Variants in AHRR observed in about 807,000 individuals in gnomAD.
AHRR encodes aryl hydrocarbon receptor repressor.
A neutral mutation model predicts 44.0 loss-of-function variants in AHRR; 28 were observed. That is an observed-to-expected ratio of 0.64 (90% CI 0.47 to 0.87). The LOEUF (loss-of-function observed/expected upper bound fraction) is 0.87. Among genes scored for constraint, AHRR ranks in the 40% least tolerant of loss-of-function variants. AHRR has a pLI of 0.00. For missense variants in AHRR, 990 were observed against 953.9 expected, an observed-to-expected ratio of 1.04 and a Z score of -0.50; for synonymous variants, 434 against 407.0, an observed-to-expected ratio of 1.07 and a Z score of -0.80.
chr5:413,626 C>T (rs533986952), intron 5 of AHRR, among the ~76,000 whole-genome samples, 193 bp downstream of exon 5: 56 of 152,260 alleles, frequency 3.7e-4, no homozygotes, highest in African/African-American at 9.4e-4. Context: ...TTCGGGGTCT[C>T]GGCAAGAGGC....
At chr5:433,766 C>G (rs1176686207) in intron 10 of AHRR, 87 bp from the exon 11 acceptor site, 1 of 1,350,944 alleles carries the variant, frequency 7.4e-7, no homozygotes, top group Non-Finnish European at 9.6e-7. Context: ...GTCCTGATTT[C>G]GTAGCCTCCC....
At chr5:322,651 G>A (rs1010400537) in intron 1 of AHRR, 10 of 152,264 alleles carry the variant, frequency 6.6e-5, no homozygotes, top group African/African-American at 2.4e-4. Flanking sequence ...TTTTACGAAC[G>A]AGGACATCAA....
intron 4 of AHRR, among the ~76,000 whole-genome samples, chr5:380,631 A>G (rs1733941633): frequency 6.6e-6 from 1 of 152,170 alleles, no homozygotes; most frequent in South Asian, 2.1e-4. Context: ...CATTCCTAGT[A>G]TATAGAAGTA....
In AHRR at chr5:434,580, G is replaced by T; in HGVS notation, c.1840G>T (p.Ala614Ser). 6.3e-7 allele frequency: 1 copy of T among 1,578,654 alleles called. No individual in the cohort carries two copies. The highest frequency in any genetic ancestry group is 8.6e-7 in the Non-Finnish European group (1 of 1,162,558). ...RSRELTPFHP[A>S]HCACLEPTDG... ...CAGGGAGCTGACCCCTTTCCACCCT[G>T]CACACTGTGCCTGCCTGGAGCCCAC... The change falls in exon 11 of 11, where the codon GCA becomes TCA. Residue 614 changes from alanine to serine, a missense_variant. Transcript: ENST00000684583.
In AHRR at chr5:437,922, G is replaced by A. The variant is rs1433186220; in HGVS notation, c.*3088G>A. ...GGGAAGACTATGGAACATAGAAAGTGTGGATGTATCACTTCTCTCTAAAAT... is the reference window on the plus strand; with the variant it reads ...GGGAAGACTATGGAACATAGAAAGTATGGATGTATCACTTCTCTCTAAAAT... On this transcript the variant is annotated 3_prime_UTR_variant, in exon 11 of 11. Coordinates refer to ENST00000684583, the MANE Select transcript of AHRR (RefSeq NM_001377236.1). 6.6e-6 allele frequency: 1 copy of A among 152,414 alleles called. No homozygotes were observed. The highest frequency in any genetic ancestry group is 1.5e-5 in the Non-Finnish European group (1 of 68,048). 9.4% of individuals were successfully genotyped at this position (152,414 alleles called of 1,614,324 possible).
intron 7 of AHRR, among the ~76,000 whole-genome samples, chr5:426,257 G>A (rs1736382160): frequency 6.6e-6 from 1 of 152,148 alleles, no homozygotes; most frequent in African/African-American, 2.4e-5. Flanking sequence ...AAGATGGATG[G>A]ATGGATGGAT....
At chr5:365,509 G>A (rs541143120) in intron 3 of AHRR, among the ~76,000 whole-genome samples, 1 of 152,224 alleles carries the variant, frequency 6.6e-6, no homozygotes, top group East Asian at 1.9e-4. Context: ...ATGTATAAAA[G>A]AAGGCTAAAT....
intron 1 of AHRR, among the ~76,000 whole-genome samples, chr5:332,263 C>CT (rs36049046): frequency 0.37 from 43,063 of 116,868 alleles, 9,134 homozygotes; most frequent in Non-Finnish European, 0.49. Flanking sequence ...TCTGTTAAGA[C>CT]TTTTTTTTTT....
chr5:391,088 G>A (rs1726865441), intron 4 of AHRR, among the ~76,000 whole-genome samples: 1 of 152,200 alleles, frequency 6.6e-6, no homozygotes, highest in South Asian at 2.1e-4. Flanking sequence ...GGATGGACAG[G>A]AACCAGTGCA....
chr5:356,141 G>A (rs1049398482), intron 3 of AHRR, among the ~76,000 whole-genome samples: 1 of 152,192 alleles, frequency 6.6e-6, no homozygotes, highest in South Asian at 2.1e-4. Flanking sequence ...TGTTAAGGTC[G>A]GGATTTTCCA....
intron 5 of AHRR, among the ~76,000 whole-genome samples, chr5:420,611 C>G (rs2466287): frequency 0.85 from 129,407 of 152,254 alleles, 55,391 homozygotes; most frequent in Non-Finnish European, 0.9. Context: ...CATGAGGAAA[C>G]ATTTCTCAGG....
At chr5:428,776 TG>T (rs1486364235) in intron 8 of AHRR, among the ~76,000 whole-genome samples, 1 of 150,632 alleles carries the variant, frequency 6.6e-6, no homozygotes, top group Non-Finnish European at 1.5e-5. Flanking sequence ...ATGGCGGGGG[TG>T]GGGGTGATGG....
chr5:330,965 C>T (rs1394259818), intron 1 of AHRR, among the ~76,000 whole-genome samples: 4 of 147,998 alleles, frequency 2.7e-5, no homozygotes, highest in African/African-American at 1.0e-4. Flanking sequence ...GCTCCGTCTC[C>T]TCCCGGGTTC....
chr5:346,166 G>A lies in AHRR; in HGVS notation c.62+2202G>A, dbSNP rs78566649. Among the ~76,000 whole-genome samples the A allele has an allele frequency of 2.0e-5, 3 of 152,300 alleles. No homozygotes were observed. The East Asian group carries it at 5.8e-4, about 29-fold the overall frequency. On this transcript the variant is annotated intron_variant, in intron 2 of 10. Transcript: ENST00000684583. ...TCTAGCGGGGGACGGCAGTAGATAC[G>A]GATGCTGCAATTCATATATAAAGGG...
chr5:326,761 T>TA lies in AHRR; in HGVS notation c.-11+4950dup, dbSNP rs892924990. Among the ~76,000 whole-genome samples the TA allele has an allele frequency of 4.6e-5, 7 of 151,752 alleles. No individual in the cohort carries two copies. The highest frequency in any genetic ancestry group is 1.2e-4 in the African/African-American group (5 of 41,286). ...CCCACTGACCCTTGTTATGTTCCAT[T>TA]AAAAAAAATGATAGCTGGCCCGGCG... On this transcript the variant is annotated intron_variant, in intron 1 of 10. Coordinates refer to ENST00000684583, the MANE Select transcript of AHRR (RefSeq NM_001377236.1). The surrounding 1 kb of genome is among the most constrained non-coding windows in gnomAD (Gnocchi z 4.1).
chr5:410,803 A>G (rs981150882), intron 4 of AHRR, among the ~76,000 whole-genome samples: 2 of 152,154 alleles, frequency 1.3e-5, no homozygotes, highest in Non-Finnish European at 2.9e-5. Flanking sequence ...GAAAGTTTTG[A>G]TTAGAAATTC....
intron 4 of AHRR, among the ~76,000 whole-genome samples, chr5:397,206 G>A (rs1734757470): frequency 1.1e-5 from 1 of 90,646 alleles, no homozygotes; most frequent in Non-Finnish European, 2.3e-5. Flanking sequence ...CATCCACATA[G>A]CCCCTGACCA....
chr5:351,957 C>T (rs188772055), intron 2 of AHRR, among the ~76,000 whole-genome samples: 234 of 152,334 alleles, frequency 1.5e-3, no homozygotes, highest in African/African-American at 5.2e-3. Context: ...GACCCAAACC[C>T]CTGGAAACAG....
intron 8 of AHRR, 147 bp downstream of exon 8, chr5:428,153 T>G (rs1736555846): frequency 3.2e-6 from 3 of 941,256 alleles, no homozygotes; most frequent in Non-Finnish European, 4.8e-6. Flanking sequence ...TTACACAACA[T>G]AGGCAGCAGC....
Sources: gnomAD v4.1 joint callset for allele counts (sites outside exome capture counted in the v4.1 genomes callset) on GRCh38, gnomAD v4.1.1 for gene constraint, Gnocchi (gnomAD v3.1) non-coding constraint, MANE v1.5 for transcripts, NCBI Gene and HGNC (gene_info 2026-07-23, HGNC 2026-07-21) for gene names.